The following PRUNE2 variants were observed in gnomAD, a reference collection of about 807,000 sequenced individuals.
PRUNE2 encodes the protein protein prune homolog 2.
A neutral mutation model predicts 252.0 loss-of-function variants in PRUNE2; 164 were observed. That is an observed-to-expected ratio of 0.65 (90% confidence interval 0.57 to 0.74). PRUNE2 has a LOEUF of 0.74. Among genes scored for constraint, PRUNE2 ranks in the 30% least tolerant of loss-of-function variants. The pLI, the probability that PRUNE2 is intolerant of heterozygous loss-of-function variation, is 0.00. For missense variants in PRUNE2, 3,495 were observed against 3,711.0 expected, an observed-to-expected ratio of 0.94 and a Z score of 1.51; for synonymous variants, 1,292 against 1,350.2, an observed-to-expected ratio of 0.96 and a Z score of 0.94.
chr9:76,721,918 A>G (rs916980375), intron 6 of PRUNE2, among the ~76,000 whole-genome samples: 4 of 152,370 alleles, frequency 2.6e-5, no homozygotes, highest in South Asian at 2.1e-4. Context: ...AAAGTCTGAT[A>G]ATTTTGACAG....
chr9:76,855,082 A>AAAAAAAAAAAAAATATAT (rs1490285240), intron 1 of PRUNE2, among the ~76,000 whole-genome samples: 1 of 109,438 alleles, frequency 9.1e-6, no homozygotes, highest in African/African-American at 3.9e-5. Context: ...AAAAAAAAAA[A>AAAAAAAAAAAAAATATAT]ATATATATAT....
intron 1 of PRUNE2, among the ~76,000 whole-genome samples, chr9:76,883,981 G>C (rs1252108941): frequency 1.3e-5 from 2 of 152,168 alleles, no homozygotes; most frequent in African/African-American, 4.8e-5. Context: ...TGGTTAAATG[G>C]TAGCAATTAT....
chr9:76,719,233 CT>C (rs529326776), intron 6 of PRUNE2, among the ~76,000 whole-genome samples: 26 of 148,288 alleles, frequency 1.8e-4, no homozygotes, highest in African/African-American at 2.7e-4. Flanking sequence ...ATTATTATTA[CT>C]TTTTTTTTTA....
chr9:76,673,231 G>A lies in PRUNE2; in HGVS notation c.8277-17729C>T, dbSNP rs1237445770. ...AAATGATAAAGGGGATATCACCACC[G>A]ATCCCACAGAAATACAAACTACCAT... is the stretch of plus-strand genomic sequence containing the variant. On this transcript the variant is annotated intron_variant, in intron 9 of 18. Coordinates refer to ENST00000376718, the MANE Select transcript of PRUNE2 (RefSeq NM_015225.3). Among the ~76,000 whole-genome samples the A allele has an allele frequency of 7.5e-4, 114 of 151,278 alleles. 3 individuals are homozygous for A. The South Asian group carries it at 0.018, about 24-fold the overall frequency.
intron 6 of PRUNE2, among the ~76,000 whole-genome samples, chr9:76,816,163 C>CAAA (rs71354684): frequency 8.2e-5 from 7 of 84,902 alleles, no homozygotes; most frequent in African/African-American, 2.5e-4. Flanking sequence ...ACTCCATCTC[C>CAAA]AAAAAAAAAA....
chr9:76,782,394 C>G (rs909375097), intron 6 of PRUNE2, among the ~76,000 whole-genome samples: 2 of 152,076 alleles, frequency 1.3e-5, no homozygotes, highest in Non-Finnish European at 2.9e-5. Flanking sequence ...TAGTTAAGAC[C>G]ATGAACGCTA....
At chr9:76,838,248 A>AGAT (rs1386077028) in intron 4 of PRUNE2, among the ~76,000 whole-genome samples, 2 of 151,272 alleles carry the variant, frequency 1.3e-5, no homozygotes, top group Admixed American at 6.6e-5. Context: ...ATAATAAAAT[A>AGAT]GATAGATAAA....
intron 7 of PRUNE2, among the ~76,000 whole-genome samples, chr9:76,712,234 C>T (rs10118341): frequency 1.7e-3 from 259 of 152,246 alleles, no homozygotes; most frequent in African/African-American, 6.1e-3. Context: ...CACAGTAATT[C>T]CACAAGGTAG....
intron 6 of PRUNE2, among the ~76,000 whole-genome samples, chr9:76,716,750 A>G (rs1473153376): frequency 6.6e-6 from 1 of 152,046 alleles, no homozygotes; most frequent in Non-Finnish European, 1.5e-5. Flanking sequence ...TTACATAGGT[A>G]TATGTGTGCC....
chr9:76,723,564 C>T (rs1354405915), intron 6 of PRUNE2, among the ~76,000 whole-genome samples: 1 of 152,110 alleles, frequency 6.6e-6, no homozygotes, highest in Non-Finnish European at 1.5e-5. Flanking sequence ...AGTCCTCTCA[C>T]TAAGGTACAA....
At chr9:76,805,173 C>G (rs551429606) in intron 6 of PRUNE2, among the ~76,000 whole-genome samples, 2 of 152,216 alleles carry the variant, frequency 1.3e-5, no homozygotes, top group Non-Finnish European at 2.9e-5. Flanking sequence ...CAGCTGCCCC[C>G]GCATTTGTTC....
At chr9:76,830,665 GA>G (rs1268823852) in intron 4 of PRUNE2, among the ~76,000 whole-genome samples, 121 of 88,452 alleles carry the variant, frequency 1.4e-3, no homozygotes, top group East Asian at 3.0e-3. Flanking sequence ...AACAAAAAAA[GA>G]AAAAAAAAAA....
At chr9:76,894,522 T>C (rs553247972) in intron 1 of PRUNE2, among the ~76,000 whole-genome samples, 8 of 152,198 alleles carry the variant, frequency 5.3e-5, no homozygotes, top group African/African-American at 1.9e-4. Flanking sequence ...TGCTGTGACA[T>C]TTCTATCTTC....
At position 76,703,331 on chromosome 9, in the gene PRUNE2, G is replaced by T; in HGVS notation, c.8276+6C>A. On this transcript the variant is annotated splice_donor_region_variant and intron_variant, in intron 9 of 18. Coordinates refer to ENST00000376718, the MANE Select transcript of PRUNE2 (RefSeq NM_015225.3). ...GGAAAAAAAATAAATCTAGCTTTTTGCTTACCCATTTGGTCTTGATATCCT... is the reference window on the plus strand; with the variant it reads ...GGAAAAAAAATAAATCTAGCTTTTTTCTTACCCATTTGGTCTTGATATCCT... 1 of 1,553,056 alleles carries T rather than the reference G, an allele frequency of 6.4e-7. No individual in the cohort carries two copies. The highest frequency in any genetic ancestry group is 1.2e-5 in the South Asian group (1 of 82,442).
intron 6 of PRUNE2, among the ~76,000 whole-genome samples, chr9:76,754,791 C>G (rs1483161356): frequency 1.3e-5 from 2 of 151,752 alleles, no homozygotes; most frequent in African/African-American, 4.8e-5. Context: ...ATGGTGAAAC[C>G]CTGTCTCTAC....
rs1170899729 is a variant in PRUNE2 at position 76,894,716 on chromosome 9, G to GAAAAAAAAAAAAAAAAA, written c.36+11211_36+11212insTTTTTTTTTTTTTTTTT. On this transcript the variant is annotated intron_variant, in intron 1 of 18. Transcript: ENST00000376718. The stretch of plus-strand genomic sequence containing the variant: ...TGCACCCTTTCATTAATTTTCTGCA[G>GAAAAAAAAAAAAAAAAA]CAAAAAAAAAAAAAAAGGACCAGCC... Among the ~76,000 whole-genome samples, 429 of 110,558 alleles carry GAAAAAAAAAAAAAAAAA rather than the reference G, an allele frequency of 3.9e-3. 15 individuals are homozygous for GAAAAAAAAAAAAAAAAA. The highest frequency in any genetic ancestry group is 4.8e-3 in the Non-Finnish European group (311 of 64,530). The allele number at this position is 110,558 out of a possible 152,430, so 72.5% of individuals were successfully genotyped here.
chr9:76,635,598 C>T (rs1361576015), intron 15 of PRUNE2, among the ~76,000 whole-genome samples: 3 of 151,948 alleles, frequency 2.0e-5, no homozygotes, highest in African/African-American at 7.3e-5. Context: ...TAACTAAATA[C>T]TTAACAAGAA....
intron 1 of PRUNE2, among the ~76,000 whole-genome samples, chr9:76,904,278 G>A (rs529860937): frequency 6.6e-6 from 1 of 151,886 alleles, no homozygotes; most frequent in Admixed American, 6.6e-5. Context: ...CTAATGAAGG[G>A]TAAATAAATT....
At chr9:76,784,107 C>CT (rs1178216314) in intron 6 of PRUNE2, 1 of 152,254 alleles carries the variant, frequency 6.6e-6, no homozygotes, top group Non-Finnish European at 1.5e-5. Context: ...TTGTCCTCCA[C>CT]TTTCACAGAT....
Sources: allele counts gnomAD v4.1 joint callset (sites outside exome capture counted in the v4.1 genomes callset), GRCh38; gene constraint gnomAD v4.1.1; transcripts MANE v1.5; gene names NCBI Gene and HGNC (gene_info 2026-07-23, HGNC 2026-07-21).